The following SYNE2 variants were observed in gnomAD, a reference collection of about 807,000 sequenced individuals.
The protein encoded by SYNE2 is spectrin repeat containing nuclear envelope protein 2.
In SYNE2, 431 loss-of-function variants were observed where a neutral mutation model predicts 856.3. That is an observed-to-expected ratio of 0.50 (90% CI 0.47 to 0.55). The LOEUF (loss-of-function observed/expected upper bound fraction) is 0.55, where lower values mean the gene tolerates loss of function less well. SYNE2 is among the 20% of genes least tolerant of loss of function. The pLI is 0.00. For synonymous variants in SYNE2, 2,923 were observed against 2,872.3 expected (o/e 1.02, Z -0.56); for missense variants, 8,129 against 8,023.2 (o/e 1.01, Z -0.50).
intron 1 of SYNE2, among the ~76,000 whole-genome samples, chr14:63,809,447 T>C (rs1888526205): frequency 1.3e-5 from 2 of 152,188 alleles, no homozygotes; most frequent in African/African-American, 4.8e-5. Flanking sequence ...TGCCTCATTG[T>C]GGTCTATGAT....
At chr14:63,912,011 G>A (rs137988910) in intron 2 of SYNE2, among the ~76,000 whole-genome samples, 6 of 152,238 alleles carry the variant, frequency 3.9e-5, no homozygotes, top group African/African-American at 7.2e-5. Context: ...TAGAGGAATC[G>A]TGGTGCTGGA....
intron 66 of SYNE2, among the ~76,000 whole-genome samples, chr14:64,117,721 T>A (rs1360106471): frequency 6.6e-6 from 1 of 152,222 alleles, no homozygotes; most frequent in Admixed American, 6.5e-5. Context: ...GGGTGTGGAA[T>A]TTTCCACTTC....
intron 14 of SYNE2, among the ~76,000 whole-genome samples, chr14:63,979,946 A>G (rs746752782): frequency 3.9e-5 from 6 of 152,086 alleles, no homozygotes; most frequent in Admixed American, 1.3e-4. Context: ...GGAAAAATCC[A>G]AGATTGTAAA....
chr14:64,092,937 C>G (rs990362305), intron 60 of SYNE2, among the ~76,000 whole-genome samples: 2 of 152,172 alleles, frequency 1.3e-5, no homozygotes, highest in African/African-American at 4.8e-5. Flanking sequence ...GTTATGTCAC[C>G]TTTCTATGCG....
rs34448523 is a variant in SYNE2 at position 63,818,344 on chromosome 14, C to CA, written c.-304-34133dup. On this transcript the variant is annotated intron_variant, in intron 1 of 23. Coordinates refer to the SYNE2 transcript ENST00000674003. Reference sequence around the variant, plus strand: ...GTGAGACTCTGTCAAGACTCCGTCTCAAAAAAAAAAAAAAAAAAAAAAAAT... The same window carrying CA: ...GTGAGACTCTGTCAAGACTCCGTCTCAAAAAAAAAAAAAAAAAAAAAAAAAT... 4.4e-3 allele frequency among the ~76,000 whole-genome samples: 378 copies of CA among 86,222 alleles called. 2 individuals are homozygous for CA. The highest frequency in any genetic ancestry group is 0.01 in the African/African-American group (229 of 21,862). The allele number at this position is 86,222 out of a possible 152,430, so 56.6% of individuals were successfully genotyped here. A position where few individuals can be genotyped will look rare whatever the true frequency, so the allele number is the denominator to read the frequency against.
intron 49 of SYNE2, among the ~76,000 whole-genome samples, chr14:64,062,513 T>A (rs1201277794): frequency 6.6e-6 from 1 of 151,988 alleles, no homozygotes; most frequent in African/African-American, 2.4e-5. Context: ...AAAAAAAAAA[T>A]CTTCATTTTA....
intron 1 of SYNE2, among the ~76,000 whole-genome samples, chr14:63,807,819 T>TTTTATA (rs1888423839): frequency 3.9e-5 from 1 of 25,466 alleles, no homozygotes; most frequent in Non-Finnish European, 8.7e-5. Context: ...TACTCCAGGC[T>TTTTATA]TATATATATA....
intron 96 of SYNE2, among the ~76,000 whole-genome samples, chr14:64,183,974 G>GGGGGA (rs2098475391): frequency 1.4e-5 from 2 of 141,018 alleles, no homozygotes; most frequent in Non-Finnish European, 3.1e-5. Context: ...GGGGTGGGGA[G>GGGGGA]GGGGAGGGGA....
intron 90 of SYNE2, 49 bp from the exon 91 acceptor site, chr14:64,167,184 G>C: frequency 6.2e-7 from 1 of 1,612,164 alleles, no homozygotes; most frequent in Non-Finnish European, 8.5e-7. Context: ...TTGTCATCTA[G>C]ATATCTTATT....
chr14:63,863,213 T>A (rs1284274257), intron 1 of SYNE2, among the ~76,000 whole-genome samples: 1 of 152,216 alleles, frequency 6.6e-6, no homozygotes, highest in Non-Finnish European at 1.5e-5. Context: ...TAATACATTT[T>A]AAAAATCCGT....
chr14:63,959,900 T>C (rs546008612), intron 8 of SYNE2, among the ~76,000 whole-genome samples: 18 of 152,278 alleles, frequency 1.2e-4, no homozygotes, highest in Middle Eastern at 3.4e-3. Flanking sequence ...ACTAATGAAA[T>C]AGACACTATA....
intron 8 of SYNE2, among the ~76,000 whole-genome samples, chr14:63,955,273 T>C (rs1307515826): frequency 6.6e-6 from 1 of 152,138 alleles, no homozygotes; most frequent in Non-Finnish European, 1.5e-5. Flanking sequence ...TTTATATGTC[T>C]CTCCTTCCTC....
chr14:64,054,915 G>A (rs1051951608), intron 48 of SYNE2, among the ~76,000 whole-genome samples: 12 of 152,180 alleles, frequency 7.9e-5, no homozygotes, highest in African/African-American at 2.9e-4. Flanking sequence ...GCAATGTAAA[G>A]TATTATGAAC....
At chr14:63,959,206 TTA>T (rs1486179556) in intron 8 of SYNE2, among the ~76,000 whole-genome samples, 1 of 114,778 alleles carries the variant, frequency 8.7e-6, no homozygotes, top group Non-Finnish European at 1.9e-5. Context: ...TTGAATTAGG[TTA>T]TATTTGTAAG....
intron 70 of SYNE2, among the ~76,000 whole-genome samples, chr14:64,123,552 T>C (rs930673209): frequency 6.6e-6 from 1 of 152,208 alleles, no homozygotes; most frequent in African/African-American, 2.4e-5. Context: ...CATAGGTCTC[T>C]TGCAAACAGG....
At chr14:64,057,474 A>G (rs2097281702) in intron 49 of SYNE2, among the ~76,000 whole-genome samples, 1 of 152,090 alleles carries the variant, frequency 6.6e-6, no homozygotes, top group African/African-American at 2.4e-5. Context: ...TAATGGCTAA[A>G]TAATACTCCT....
intron 2 of SYNE2, among the ~76,000 whole-genome samples, chr14:63,931,105 G>A (rs1381959159): frequency 6.6e-6 from 1 of 152,112 alleles, no homozygotes; most frequent in East Asian, 1.9e-4. Flanking sequence ...TGGAGAGCTG[G>A]AGAATTGCTT....
chr14:64,168,291 A>G (rs2098392757), intron 92 of SYNE2, among the ~76,000 whole-genome samples: 1 of 152,116 alleles, frequency 6.6e-6, no homozygotes, highest in African/African-American at 2.4e-5. Context: ...TTTAGTAGAG[A>G]TGGGGTTCAC....
rs376062047 is a variant in SYNE2, at chr14:64,214,370, C to T, written c.19233C>T (p.Ser6411=). 27 of 1,613,984 alleles carry T rather than the reference C, an allele frequency of 1.7e-5. No homozygotes were observed. The highest frequency in any genetic ancestry group is 2.2e-5 in the East Asian group (1 of 44,880). Residue 6411 remains serine, a synonymous_variant, in exon 106 of 116, where the codon AGC becomes AGT. Transcript: ENST00000555002. ...GGTCTGGCTGCGAGACCCCTGTCAGCGTGGACTCCATCCCCCTGGAGTGGG... is the reference window on the plus strand; with the variant it reads ...GGTCTGGCTGCGAGACCCCTGTCAGTGTGGACTCCATCCCCCTGGAGTGGG... The part of the protein sequence containing the change: ...HERSGCETPV[S]VDSIPLEWDH...
Sources: gnomAD v4.1 joint callset for allele counts (sites outside exome capture counted in the v4.1 genomes callset) on GRCh38, gnomAD v4.1.1 for gene constraint, MANE v1.5 for transcripts, NCBI Gene and HGNC (gene_info 2026-07-23, HGNC 2026-07-21) for gene names.